ATP1B3: variants seen among roughly 807,000 people sequenced by gnomAD.
ATP1B3 encodes the protein ATPase Na+/K+ transporting subunit beta 3.
ATP1B3 carries 10 observed loss-of-function variants against 30.2 expected under a neutral mutation model. The ratio of observed to expected loss-of-function variants is 0.33; its 90% CI spans 0.20 to 0.56. ATP1B3 has a LOEUF of 0.56. Ranked by LOEUF, ATP1B3 falls within the 20% of genes least tolerant of loss-of-function variation. The pLI is 0.90. For synonymous variants in ATP1B3, 113 were observed against 117.0 expected (o/e 0.97, Z 0.22); for missense variants, 238 against 336.7 (o/e 0.71, Z 2.29).
intron 3 of ATP1B3, among the ~76,000 whole-genome samples, chr3:141,910,941 T>C (rs896688221): frequency 2.0e-5 from 3 of 152,132 alleles, no homozygotes; most frequent in African/African-American, 7.2e-5. Context: ...TGCTAGTTTA[T>C]CTCCATATAG....
rs563400686 is a variant in ATP1B3, at chr3:141,922,996, G to A, written c.669+933G>A. The stretch of plus-strand genomic sequence containing the variant: ...AGAAAAAAAATCAAAAGCTCATTGC[G>A]GCCGGGTGTGGTGGCTCACGCCTGC... On this transcript the variant is annotated intron_variant, in intron 6 of 6. Transcript: ENST00000286371. Among the ~76,000 whole-genome samples, 6 of 150,692 alleles carry A rather than the reference G, an allele frequency of 4.0e-5. No individual in the cohort carries two copies. In the East Asian group the frequency reaches 7.9e-4, roughly 20 times the overall value.
At chr3:141,897,497 G>T (rs1422288843) in intron 1 of ATP1B3, among the ~76,000 whole-genome samples, 1 of 152,140 alleles carries the variant, frequency 6.6e-6, no homozygotes, top group Non-Finnish European at 1.5e-5. Flanking sequence ...AAAGACAATA[G>T]AGCTTGAGAC....
chr3:141,889,470 C>G (rs1371103582), intron 1 of ATP1B3, among the ~76,000 whole-genome samples: 1 of 151,974 alleles, frequency 6.6e-6, no homozygotes, highest in East Asian at 1.9e-4. Context: ...TAGCTCATGC[C>G]TGTGATCCCA....
rs1933606657 is a variant in ATP1B3 at position 141,876,919 on chromosome 3, G to A, written c.109+9G>A. The A allele has an allele frequency of 7.1e-6, 11 of 1,556,520 alleles. No individual in the cohort carries two copies. The African/African-American group carries it at 1.0e-4, about 14-fold the overall frequency. On this transcript the variant is annotated intron_variant, in intron 1 of 6. Transcript: ENST00000286371. ...CACCGCCAAGAGCTGGGGTGAGCGG[G>A]CAGCAGCTGGGCGTCCGGGGCCGGC...
At chr3:141,877,036 C>T (rs1432699673) in intron 1 of ATP1B3, 126 bp downstream of exon 1, 2 of 630,860 alleles carry the variant, frequency 3.2e-6, no homozygotes, top group Admixed American at 4.6e-5. Context: ...CCGACCCTAA[C>T]CCGGGCGGCG....
chr3:141,880,698 G>C (rs1382677600), intron 1 of ATP1B3, among the ~76,000 whole-genome samples: 1 of 152,190 alleles, frequency 6.6e-6, no homozygotes, highest in Admixed American at 6.5e-5. Context: ...TGAAGCTTTT[G>C]TGTATTTTGC....
chr3:141,902,725 T>C (rs1934187163), intron 1 of ATP1B3, among the ~76,000 whole-genome samples: 1 of 152,206 alleles, frequency 6.6e-6, no homozygotes, highest in African/African-American at 2.4e-5. Flanking sequence ...TGCTTAGCAG[T>C]AGAGCTATGA....
intron 2 of ATP1B3, among the ~76,000 whole-genome samples, chr3:141,905,364 G>A (rs1414758060): frequency 6.6e-6 from 1 of 152,062 alleles, no homozygotes; most frequent in Admixed American, 6.6e-5. Flanking sequence ...GTGAATAGAG[G>A]CCAGGGATGT....
chr3:141,893,776 G>A (rs1309225551), intron 1 of ATP1B3, among the ~76,000 whole-genome samples: 2 of 152,026 alleles, frequency 1.3e-5, no homozygotes, highest in Admixed American at 1.3e-4. Flanking sequence ...TTCCCTCTTG[G>A]CACTTTGTAA....
rs145761693 is a variant in ATP1B3, at chr3:141,887,660, C to G, written c.109+10750C>G. On this transcript the variant is annotated intron_variant, in intron 1 of 6. Transcript: ENST00000286371. ...TAATAGTTCCAAACTGGGAACAGTTCAGGTTTTTATCAGCTAGGCGATAGA... is the reference window on the plus strand; with the variant it reads ...TAATAGTTCCAAACTGGGAACAGTTGAGGTTTTTATCAGCTAGGCGATAGA... Among the ~76,000 whole-genome samples the G allele has an allele frequency of 2.8e-3, 433 of 152,254 alleles. 1 individual carries two copies. The highest frequency in any genetic ancestry group is 8.5e-3 in the African/African-American group (352 of 41,542).
At position 141,876,866 on chromosome 3, in the gene ATP1B3, A is replaced by G; in HGVS notation, c.65A>G (p.Asn22Ser). The change falls in exon 1 of 7, where the codon AAC becomes AGC. Residue 22 changes from asparagine to serine, a missense_variant. Physicochemically the swap from Asn to Ser is conservative, Grantham distance 46. Transcript: ENST00000286371. ...SLAEWKLFIYNPTTGEFLGRT... is the reference protein window; with the variant it reads ...SLAEWKLFIYSPTTGEFLGRT... ...GCCGAGTGGAAGCTCTTCATCTACA[A>G]CCCGACCACCGGAGAATTCCTGGGG... 1.9e-6 allele frequency: 3 copies of G among 1,581,538 alleles called. No homozygotes were observed. The highest frequency in any genetic ancestry group is 2.6e-6 in the Non-Finnish European group (3 of 1,163,866).
In ATP1B3 at chr3:141,922,292, A is replaced by G. The variant is rs865783538; in HGVS notation, c.669+229A>G. On this transcript the variant is annotated intron_variant, in intron 6 of 6. Transcript: ENST00000286371. Reference sequence around the variant, plus strand: ...AAAGTTAGATGATTATTTCTAAAATATCATTTTCTTTTTCATTATAGAGGT... The same window carrying G: ...AAAGTTAGATGATTATTTCTAAAATGTCATTTTCTTTTTCATTATAGAGGT... 43 of 353,702 alleles carry G rather than the reference A, an allele frequency of 1.2e-4. 1 individual carries two copies. In the Middle Eastern group the frequency reaches 8.2e-3, roughly 68 times the overall value. 21.9% of individuals were successfully genotyped at this position (353,702 alleles called of 1,614,324 possible).
chr3:141,887,482 T>C lies in ATP1B3; in HGVS notation c.109+10572T>C, dbSNP rs538340807. On this transcript the variant is annotated intron_variant, in intron 1 of 6. Coordinates refer to ENST00000286371, the MANE Select transcript of ATP1B3 (RefSeq NM_001679.4). ...GCTTTTTAAAAGGTAATATGTGGCA[T>C]ATCCATAAAGGTCCGGCAGTGTCTT... Among the ~76,000 whole-genome samples, 13 of 152,330 alleles carry C rather than the reference T, an allele frequency of 8.5e-5. No homozygotes were observed. The South Asian group carries it at 2.7e-3, about 32-fold the overall frequency.
chr3:141,878,620 T>C (rs1243335422), intron 1 of ATP1B3, among the ~76,000 whole-genome samples: 2 of 152,226 alleles, frequency 1.3e-5, no homozygotes, highest in African/African-American at 4.8e-5. Flanking sequence ...TTTTATTTTA[T>C]TGAGTCAATG....
At chr3:141,877,026 C>T in intron 1 of ATP1B3, 116 bp downstream of exon 1, 3 of 701,042 alleles carry the variant, frequency 4.3e-6, no homozygotes, top group Non-Finnish European at 6.3e-6. Context: ...TCCCGACCGC[C>T]CGACCCTAAC....
At chr3:141,908,409 G>A (rs998417451) in intron 3 of ATP1B3, among the ~76,000 whole-genome samples, 2 of 152,110 alleles carry the variant, frequency 1.3e-5, no homozygotes, top group African/African-American at 2.4e-5. Flanking sequence ...CTGCTCCCTA[G>A]AACATTACTT....
At chr3:141,894,349 G>A (rs751540043) in intron 1 of ATP1B3, among the ~76,000 whole-genome samples, 7 of 151,602 alleles carry the variant, frequency 4.6e-5, no homozygotes, top group South Asian at 4.2e-4. Flanking sequence ...ATTGAGATGG[G>A]GTCTTGCTAT....
In ATP1B3 at chr3:141,925,903, A is replaced by C. The variant is rs1035588859; in HGVS notation, c.*202A>C. ...TGCCTGTTGCCTCTGCTGCCCTTTG[A>C]ACCAGTGTACAGTCGCCAGATAGGG... On this transcript the variant is annotated 3_prime_UTR_variant, in exon 7 of 7. Coordinates refer to ENST00000286371, the MANE Select transcript of ATP1B3 (RefSeq NM_001679.4). 1.6e-6 allele frequency: 1 copy of C among 612,286 alleles called. No homozygotes were observed. The highest frequency in any genetic ancestry group is 1.9e-5 in the African/African-American group (1 of 53,712). 37.9% of individuals were successfully genotyped at this position (612,286 alleles called of 1,614,324 possible).
intron 3 of ATP1B3, among the ~76,000 whole-genome samples, chr3:141,911,394 A>G (rs925190720): frequency 1.3e-5 from 2 of 150,116 alleles, no homozygotes; most frequent in Admixed American, 6.6e-5. Context: ...TGTCTTCTCT[A>G]TTTTTTTTCC....
Sources: allele counts gnomAD v4.1 joint callset (sites outside exome capture counted in the v4.1 genomes callset), GRCh38; gene constraint gnomAD v4.1.1; transcripts MANE v1.5; gene names NCBI Gene and HGNC (gene_info 2026-07-23, HGNC 2026-07-21).